The following MYT1L variants were observed in gnomAD, a reference collection of about 807,000 sequenced individuals.
MYT1L encodes myelin transcription factor 1 like.
Under a neutral mutation model 126.7 loss-of-function variants are expected in MYT1L, and 12 were observed. The observed-to-expected ratio is 0.09, with a 90% CI of 0.06 to 0.15. MYT1L has a LOEUF of 0.15. MYT1L is among the 10% of genes least tolerant of loss of function. The probability of loss-of-function intolerance (pLI) is 1.00; values close to 1 mark genes in which losing one functional copy is unlikely to be tolerated. For missense variants in MYT1L, 979 were observed against 1,585.2 expected (o/e 0.62, Z 6.49); for synonymous variants, 541 against 604.2 (o/e 0.90, Z 1.53).
intron 2 of MYT1L, among the ~76,000 whole-genome samples, chr2:2,185,555 CG>C (rs2092034647): frequency 7.6e-6 from 1 of 131,038 alleles, no homozygotes; most frequent in African/African-American, 3.0e-5. Context: ...CGGGCCTCCT[CG>C]AGTCCCGCGT....
At chr2:2,130,229 C>T (rs921437130) in intron 3 of MYT1L, among the ~76,000 whole-genome samples, 1 of 151,740 alleles carries the variant, frequency 6.6e-6, no homozygotes, top group Non-Finnish European at 1.5e-5. Context: ...GAGGTAATGC[C>T]CAGCCTCCTT....
intron 21 of MYT1L, among the ~76,000 whole-genome samples, chr2:1,835,746 T>C (rs2040793866): frequency 6.6e-6 from 1 of 152,102 alleles, no homozygotes; most frequent in African/African-American, 2.4e-5. Context: ...CCTTTCCTCC[T>C]TGGAGGTCGC....
intron 8 of MYT1L, among the ~76,000 whole-genome samples, chr2:1,950,870 G>A (rs1403754840): frequency 6.6e-6 from 1 of 152,208 alleles, no homozygotes; most frequent in Non-Finnish European, 1.5e-5. Flanking sequence ...TGAGGTGGAG[G>A]AAAGGAGAGC....
chr2:2,170,325 A>T (rs545856156), intron 3 of MYT1L, among the ~76,000 whole-genome samples: 6 of 152,224 alleles, frequency 3.9e-5, no homozygotes, highest in Non-Finnish European at 5.9e-5. Flanking sequence ...GCTGTAAATA[A>T]GGGTTGACAA....
intron 20 of MYT1L, among the ~76,000 whole-genome samples, chr2:1,839,826 G>T (rs1224036762): frequency 6.6e-6 from 1 of 152,206 alleles, no homozygotes; most frequent in African/African-American, 2.4e-5. Flanking sequence ...ACATTTATTT[G>T]TCTGGCCGTA....
intron 3 of MYT1L, among the ~76,000 whole-genome samples, chr2:2,098,226 G>A (rs909190998): frequency 3.3e-5 from 5 of 152,062 alleles, no homozygotes; most frequent in East Asian, 1.9e-4. Context: ...TTGCTTAGGC[G>A]TTCCTGTAGG....
chr2:1,840,340 T>C (rs556567341), intron 20 of MYT1L, among the ~76,000 whole-genome samples: 1 of 152,222 alleles, frequency 6.6e-6, no homozygotes, highest in Non-Finnish European at 1.5e-5. Flanking sequence ...AGCCCTGCCT[T>C]AGAGCAAGGC....
intron 5 of MYT1L, among the ~76,000 whole-genome samples, chr2:1,988,689 T>C (rs1216289251): frequency 6.6e-6 from 1 of 152,256 alleles, no homozygotes; most frequent in African/African-American, 2.4e-5. Flanking sequence ...TGGAGAGGAC[T>C]GAATAAAAGA....
intron 3 of MYT1L, among the ~76,000 whole-genome samples, chr2:2,157,119 G>A (rs1413978882): frequency 1.3e-5 from 2 of 152,212 alleles, no homozygotes; most frequent in Non-Finnish European, 2.9e-5. Flanking sequence ...GAAGCACAGA[G>A]TACATTTTTA....
At chr2:2,313,858 A>C (rs1426634737) in intron 1 of MYT1L, among the ~76,000 whole-genome samples, 1 of 152,206 alleles carries the variant, frequency 6.6e-6, no homozygotes, top group African/African-American at 2.4e-5. Flanking sequence ...ATCTCGATAC[A>C]TACGTTTATA....
chr2:2,025,791 A>AC (rs147971299), intron 4 of MYT1L, among the ~76,000 whole-genome samples: 2,930 of 152,242 alleles, frequency 0.019, 62 homozygotes, highest in African/African-American at 0.043. Flanking sequence ...CATTCCTGTC[A>AC]CCCCCAGCTC....
chr2:2,026,125 A>G (rs1230870278), intron 4 of MYT1L, among the ~76,000 whole-genome samples: 1 of 152,222 alleles, frequency 6.6e-6, no homozygotes, highest in Non-Finnish European at 1.5e-5. Context: ...TTTATTTAAC[A>G]ATTATAATAA....
At chr2:2,142,382 C>T (rs1057194623) in intron 3 of MYT1L, among the ~76,000 whole-genome samples, 1 of 152,174 alleles carries the variant, frequency 6.6e-6, no homozygotes, top group Non-Finnish European at 1.5e-5. Context: ...ATGTCCTATG[C>T]ATCTTATCAA....
chr2:2,084,184 G>A (rs542323130), intron 3 of MYT1L, among the ~76,000 whole-genome samples: 1 of 151,098 alleles, frequency 6.6e-6, no homozygotes, highest in South Asian at 2.1e-4. Context: ...AGAGGGGAGG[G>A]AGACCACTCC....
intron 21 of MYT1L, among the ~76,000 whole-genome samples, chr2:1,828,868 G>A (rs2039726225): frequency 6.6e-6 from 1 of 152,216 alleles, no homozygotes; most frequent in Non-Finnish European, 1.5e-5. Context: ...TTAAAAAAAT[G>A]TATGGTGGAC....
intron 8 of MYT1L, among the ~76,000 whole-genome samples, chr2:1,944,667 G>A (rs995109620): frequency 6.6e-6 from 1 of 152,118 alleles, no homozygotes; most frequent in Non-Finnish European, 1.5e-5. Flanking sequence ...TCTATTTTGG[G>A]TCATGGGCTA....
chr2:2,094,045 T>C (rs1461290199), intron 3 of MYT1L, among the ~76,000 whole-genome samples: 1 of 152,214 alleles, frequency 6.6e-6, no homozygotes, highest in Admixed American at 6.5e-5. Flanking sequence ...GTTCCATTGG[T>C]CTATATCTCT....
At chr2:1,956,615 T>C (rs142377294) in intron 8 of MYT1L, among the ~76,000 whole-genome samples, 62 of 134,958 alleles carry the variant, frequency 4.6e-4, no homozygotes, top group East Asian at 2.0e-3. Flanking sequence ...TATCTATCTA[T>C]CTATCTACCT....
At chr2:1,876,620 G>A (rs1558244244) in intron 18 of MYT1L, among the ~76,000 whole-genome samples, 1 of 152,100 alleles carries the variant, frequency 6.6e-6, no homozygotes, top group Non-Finnish European at 1.5e-5. Context: ...CCCCGCAGCT[G>A]ACCCTATGCG....
Sources: allele counts gnomAD v4.1 joint callset (sites outside exome capture counted in the v4.1 genomes callset), GRCh38; gene constraint gnomAD v4.1.1; transcripts MANE v1.5; gene names NCBI Gene and HGNC (gene_info 2026-07-23, HGNC 2026-07-21).